The following POLR2F variants were observed in gnomAD, a reference collection of about 807,000 sequenced individuals.
POLR2F encodes the protein DNA-directed RNA polymerases I, II, and III subunit RPABC2.
In POLR2F, 12 loss-of-function variants were observed where a neutral mutation model predicts 22.7. The observed-to-expected ratio is 0.53, with a 90% CI of 0.34 to 0.86. The LOEUF (loss-of-function observed/expected upper bound fraction) is 0.86, where lower values mean the gene tolerates loss of function less well. POLR2F is among the 40% of genes least tolerant of loss of function. The probability of loss-of-function intolerance (pLI) is 0.02; values close to 1 mark genes in which losing one functional copy is unlikely to be tolerated. For synonymous variants in POLR2F, 57 were observed against 66.0 expected, an observed-to-expected ratio of 0.86 and a Z score of 0.66; for missense variants, 126 against 171.5, an observed-to-expected ratio of 0.73 and a Z score of 1.48.
chr22:37,969,347 T>A (rs375240114), downstream of POLR2F: 24 of 984,124 alleles, frequency 2.4e-5, no homozygotes, highest in African/African-American at 2.3e-4. Flanking sequence ...TTGGGCATAG[T>A]CTCTTGAGTC....
chr22:37,970,146 T>C (rs554210413), downstream of POLR2F, among the ~76,000 whole-genome samples: 23 of 151,618 alleles, frequency 1.5e-4, 1 homozygote, highest in Admixed American at 9.2e-4. Flanking sequence ...TACAAAAAAT[T>C]AGCCAGGTGT....
upstream of POLR2F, chr22:37,983,803 C>G (rs561469122): frequency 7.0e-7 from 1 of 1,422,504 alleles, no homozygotes; most frequent in South Asian, 1.3e-5. The surrounding 1 kb of genome is among the most constrained non-coding windows in gnomAD (Gnocchi z 9.5). Context: ...CGGCCGCCGC[C>G]GCCGCCGCCT....
upstream of POLR2F, chr22:37,983,251 C>CT: frequency 7.6e-7 from 1 of 1,322,382 alleles, no homozygotes. This position sits in a 1 kb window ranked among gnomAD's most constrained non-coding sequence, Gnocchi z 9.5. Flanking sequence ...CCAAGGAGGA[C>CT]TGCCAGACAG....
chr22:38,008,026 G>A (rs189918496), intron 1 of POLR2F, among the ~76,000 whole-genome samples: 5 of 151,984 alleles, frequency 3.3e-5, no homozygotes, highest in African/African-American at 1.2e-4. Context: ...GATCACCTGA[G>A]GTCAGGAGTT....
downstream of POLR2F, among the ~76,000 whole-genome samples, chr22:38,028,580 ATGTG>A (rs906018081): frequency 4.0e-5 from 6 of 151,852 alleles, no homozygotes; most frequent in African/African-American, 1.2e-4. Flanking sequence ...GTGTGCATGA[ATGTG>A]TGTATGTGTG....
chr22:38,003,995 C>T (rs1476240190), intron 1 of POLR2F, among the ~76,000 whole-genome samples: 2 of 151,802 alleles, frequency 1.3e-5, no homozygotes, highest in African/African-American at 4.8e-5. Context: ...GATTAGGATA[C>T]TGTTTTGTTT....
intron 1 of POLR2F, among the ~76,000 whole-genome samples, chr22:38,000,008 A>G (rs1446813086): frequency 2.6e-5 from 4 of 152,132 alleles, no homozygotes; most frequent in Admixed American, 6.5e-5. Flanking sequence ...GGATCCCAGC[A>G]CTGTTCCTCC....
At chr22:37,971,063 TCC>T (rs758738054), downstream of POLR2F, 16 of 346,090 alleles carry the variant, frequency 4.6e-5, no homozygotes, top group Non-Finnish European at 9.2e-5. Flanking sequence ...GCCCTGCCTC[TCC>T]CCTGGTCCTG....
chr22:38,025,706 A>C (rs1350712488), intron 1 of POLR2F: 9 of 1,535,056 alleles, frequency 5.9e-6, no homozygotes, highest in Middle Eastern at 3.5e-4. Context: ...TCATCACCCC[A>C]TTGTACAGAT....
intron 5 of POLR2F, among the ~76,000 whole-genome samples, chr22:38,035,476 G>A (rs962165623): frequency 2.0e-5 from 3 of 152,240 alleles, no homozygotes; most frequent in African/African-American, 7.2e-5. Context: ...TCCCAGGGCA[G>A]GGGGCCTGGC....
intron 1 of POLR2F, among the ~76,000 whole-genome samples, chr22:38,009,092 T>C (rs2084849574): frequency 6.6e-6 from 1 of 152,008 alleles, no homozygotes; most frequent in African/African-American, 2.4e-5. Context: ...GTGCAGAGGC[T>C]CCAGGTGGGA....
downstream of POLR2F, chr22:37,973,010 C>T (rs550395902): frequency 1.1e-4 from 17 of 157,606 alleles, 1 homozygote; most frequent in African/African-American, 3.4e-4. Flanking sequence ...GTGGGAGACA[C>T]GGCCAGCTCC....
At chr22:37,981,797 T>G (rs1239915310), upstream of POLR2F, among the ~76,000 whole-genome samples, 3 of 152,202 alleles carry the variant, frequency 2.0e-5, no homozygotes, top group Non-Finnish European at 4.4e-5. Flanking sequence ...ACCTCTGCTC[T>G]TGGGCAGAAC....
chr22:37,996,572 G>A (rs781749365), intron 1 of POLR2F, among the ~76,000 whole-genome samples: 5 of 152,192 alleles, frequency 3.3e-5, no homozygotes, highest in Non-Finnish European at 7.4e-5. Context: ...GAGGGAGAGG[G>A]CACTGCCCAC....
At chr22:38,002,125 C>G (rs1288371704) in intron 1 of POLR2F, among the ~76,000 whole-genome samples, 1 of 151,676 alleles carries the variant, frequency 6.6e-6, no homozygotes, top group Non-Finnish European at 1.5e-5. Context: ...GCTAGGATTA[C>G]ATGCGCGAGC....
upstream of POLR2F, among the ~76,000 whole-genome samples, chr22:37,982,491 A>G (rs1229625660): frequency 6.6e-6 from 1 of 151,926 alleles, no homozygotes; most frequent in Non-Finnish European, 1.5e-5. Flanking sequence ...CCTGCGGGGG[A>G]TGTTTTTCCT....
intron 5 of POLR2F, among the ~76,000 whole-genome samples, chr22:38,039,951 G>A (rs2085155315): frequency 6.6e-6 from 1 of 152,148 alleles, no homozygotes; most frequent in Non-Finnish European, 1.5e-5. Context: ...AAAGTCTCAA[G>A]AGACAGTAAA....
chr22:38,005,663 A>C (rs1010248209), intron 1 of POLR2F, among the ~76,000 whole-genome samples: 1 of 152,174 alleles, frequency 6.6e-6, no homozygotes, highest in African/African-American at 2.4e-5. Context: ...TGTCAGGCAA[A>C]ATAGGAATGG....
intron 1 of POLR2F, among the ~76,000 whole-genome samples, chr22:38,008,589 A>G (rs1392459954): frequency 6.6e-6 from 1 of 151,106 alleles, no homozygotes; most frequent in Non-Finnish European, 1.5e-5. Flanking sequence ...AACATTAAAA[A>G]AGCCAGGCGC....
Sources: allele counts gnomAD v4.1 joint callset (sites outside exome capture counted in the v4.1 genomes callset), GRCh38; gene constraint gnomAD v4.1.1; non-coding constraint Gnocchi (gnomAD v3.1); transcripts MANE v1.5; gene names NCBI Gene and HGNC (gene_info 2026-07-23, HGNC 2026-07-21).